Variants in ANTXR1 observed in about 807,000 individuals in gnomAD.
The protein encoded by ANTXR1 is ANTXR cell adhesion molecule 1, also known as anthrax toxin receptor 1.
In ANTXR1, 19 loss-of-function variants were observed where a neutral mutation model predicts 78.1. The observed-to-expected ratio is 0.24, with a 90% CI of 0.17 to 0.36. ANTXR1 has a LOEUF of 0.36. Ranked by LOEUF, ANTXR1 falls within the 10% of genes least tolerant of loss-of-function variation. The pLI, the probability that ANTXR1 is intolerant of heterozygous loss-of-function variation, is 1.00. For synonymous variants in ANTXR1, 273 were observed against 260.5 expected, an observed-to-expected ratio of 1.05 and a Z score of -0.46; for missense variants, 518 against 718.6, an observed-to-expected ratio of 0.72 and a Z score of 3.19.
intron 7 of ANTXR1, among the ~76,000 whole-genome samples, chr2:69,076,213 G>C (rs1670726541): frequency 6.6e-6 from 1 of 152,262 alleles, no homozygotes; most frequent in East Asian, 1.9e-4. Flanking sequence ...CTGGGCTCAA[G>C]TGATCCTCCC....
At chr2:69,151,942 A>G (rs1673410551) in intron 12 of ANTXR1, among the ~76,000 whole-genome samples, 1 of 152,244 alleles carries the variant, frequency 6.6e-6, no homozygotes. Flanking sequence ...CAAAGGGAAG[A>G]ACAGGGCCTC....
chr2:69,203,195 A>T (rs1431006956), intron 17 of ANTXR1, among the ~76,000 whole-genome samples: 2 of 152,196 alleles, frequency 1.3e-5, no homozygotes, highest in Non-Finnish European at 2.9e-5. Flanking sequence ...ACCTTTTATA[A>T]ATTTTTGTAA....
At chr2:69,021,574 T>A (rs73934651) in intron 1 of ANTXR1, among the ~76,000 whole-genome samples, 3,561 of 152,290 alleles carry the variant, frequency 0.023, 132 homozygotes, top group African/African-American at 0.081. Context: ...GATGTCTTGC[T>A]GGCCATGAAA....
chr2:69,203,211 G>A (rs1005679764), intron 17 of ANTXR1, among the ~76,000 whole-genome samples: 11 of 152,166 alleles, frequency 7.2e-5, no homozygotes, highest in African/African-American at 2.2e-4. Flanking sequence ...TGTAAGAAAC[G>A]GATCATTTTA....
chr2:69,245,668 C>A lies in ANTXR1; in HGVS notation c.*183C>A. 2 of 865,552 alleles carry A rather than the reference C, an allele frequency of 2.3e-6. No individual in the cohort carries two copies. The highest frequency in any genetic ancestry group is 1.8e-6 in the Non-Finnish European group (1 of 566,080). 53.6% of individuals were successfully genotyped at this position (865,552 alleles called of 1,614,324 possible). A position where few individuals can be genotyped will look rare whatever the true frequency, so the allele number is the denominator to read the frequency against. On this transcript the variant is annotated 3_prime_UTR_variant, in exon 18 of 18. Transcript: ENST00000303714. ...GAAAGAAACAGATATTTTAAATTGC[C>A]AGAAAACAAATGATGAGGCAACTAC...
At chr2:69,054,543 A>C (rs1172099267) in intron 3 of ANTXR1, among the ~76,000 whole-genome samples, 2 of 152,178 alleles carry the variant, frequency 1.3e-5, no homozygotes, top group African/African-American at 2.4e-5. Flanking sequence ...TTATTGCTTA[A>C]GGAGGTAGAA....
intron 12 of ANTXR1, among the ~76,000 whole-genome samples, chr2:69,130,951 C>T (rs574306022): frequency 6.6e-6 from 1 of 152,318 alleles, no homozygotes; most frequent in South Asian, 2.1e-4. Flanking sequence ...GGCAGGCTGA[C>T]TCTTTGCTAC....
chr2:69,119,292 C>T (rs538857478), intron 10 of ANTXR1, among the ~76,000 whole-genome samples: 6 of 152,274 alleles, frequency 3.9e-5, no homozygotes, highest in Admixed American at 3.3e-4. Flanking sequence ...CTCTCCTCGG[C>T]GTGACCCAGC....
intron 17 of ANTXR1, among the ~76,000 whole-genome samples, chr2:69,232,043 A>G (rs2104522294): frequency 6.6e-6 from 1 of 152,204 alleles, no homozygotes; most frequent in East Asian, 1.9e-4. Flanking sequence ...TTCTGCCCAG[A>G]GAGCCCTGAA....
intron 10 of ANTXR1, among the ~76,000 whole-genome samples, chr2:69,106,732 C>T (rs186489158): frequency 4.6e-4 from 70 of 152,308 alleles, no homozygotes; most frequent in African/African-American, 1.6e-3. Context: ...AGGCCATGCA[C>T]CTTCACCCTG....
chr2:69,049,797 AT>A (rs1669877047), intron 3 of ANTXR1, among the ~76,000 whole-genome samples: 1 of 152,132 alleles, frequency 6.6e-6, no homozygotes, highest in South Asian at 2.1e-4. Context: ...TTAATTCCCA[AT>A]TGGGTTTTAC....
chr2:69,103,088 G>GC, intron 10 of ANTXR1, 148 bp downstream of exon 10: 1 of 851,852 alleles, frequency 1.2e-6, no homozygotes. Context: ...GGCATAGTGA[G>GC]CCCTTACAGT....
At chr2:69,166,005 C>T (rs1673816921) in intron 13 of ANTXR1, among the ~76,000 whole-genome samples, 1 of 152,160 alleles carries the variant, frequency 6.6e-6, no homozygotes, top group Non-Finnish European at 1.5e-5. Flanking sequence ...ATTCATAAAA[C>T]CAAAATAGTT....
chr2:69,129,903 C>A (rs1284401563), intron 12 of ANTXR1, among the ~76,000 whole-genome samples: 2 of 152,106 alleles, frequency 1.3e-5, no homozygotes, highest in Non-Finnish European at 2.9e-5. Flanking sequence ...TGATTTGAAA[C>A]GTAGTAATTA....
At chr2:69,090,266 CT>C in intron 8 of ANTXR1, among the ~76,000 whole-genome samples, 1 of 151,790 alleles carries the variant, frequency 6.6e-6, no homozygotes, top group Non-Finnish European at 1.5e-5. Flanking sequence ...CTTATTTCTG[CT>C]TTTCAAGCTG....
intron 9 of ANTXR1, among the ~76,000 whole-genome samples, chr2:69,097,182 G>A (rs1174851661): frequency 6.6e-6 from 1 of 152,210 alleles, no homozygotes; most frequent in Non-Finnish European, 1.5e-5. Flanking sequence ...GTCCCACTCA[G>A]TTGGCCTCCA....
intron 3 of ANTXR1, among the ~76,000 whole-genome samples, chr2:69,057,538 C>G (rs560804328): frequency 6.6e-6 from 1 of 152,230 alleles, no homozygotes; most frequent in Admixed American, 6.5e-5. Flanking sequence ...TGCCACAAAC[C>G]ACACACATGT....
intron 12 of ANTXR1, among the ~76,000 whole-genome samples, chr2:69,141,818 G>C (rs944129046): frequency 1.3e-5 from 2 of 152,134 alleles, no homozygotes; most frequent in African/African-American, 4.8e-5. Context: ...GGGCATGAAG[G>C]CTTTTTGCCT....
rs1573953164 is a variant in ANTXR1 at position 69,171,995 on chromosome 2, C to G, written c.1089+1706C>G. ...GCTTAAAGGAGTTTTTGGGCTGAAG[C>G]TTCCTCACCTGTCCCCTGTCACTCT... is the stretch of plus-strand genomic sequence containing the variant. On this transcript the variant is annotated intron_variant, in intron 14 of 17. Coordinates refer to ENST00000303714, the MANE Select transcript of ANTXR1 (RefSeq NM_032208.3). Among the ~76,000 whole-genome samples the G allele has an allele frequency of 3.3e-5, 5 of 152,328 alleles. No homozygotes were observed. In the Middle Eastern group the frequency reaches 0.014, roughly 414 times the overall value.
Sources: gnomAD v4.1 joint callset for allele counts (sites outside exome capture counted in the v4.1 genomes callset) on GRCh38, gnomAD v4.1.1 for gene constraint, MANE v1.5 for transcripts, NCBI Gene and HGNC (gene_info 2026-07-23, HGNC 2026-07-21) for gene names.